The following COTL1 variants were observed in gnomAD, a reference collection of about 807,000 sequenced individuals.
COTL1 encodes the protein coactosin like F-actin binding protein 1, also known as coactosin-like protein.
A neutral mutation model predicts 16.5 loss-of-function variants in COTL1; 15 were observed. The observed-to-expected ratio is 0.91, with a 90% CI of 0.61 to 1.40. The LOEUF (loss-of-function observed/expected upper bound fraction) is 1.40. Among genes scored for constraint, COTL1 ranks in the 40% most tolerant of loss-of-function variants. COTL1 has a pLI of 0.00. For missense variants in COTL1, 220 were observed against 201.5 expected (o/e 1.09, Z -0.56); for synonymous variants, 112 against 85.3 (o/e 1.31, Z -1.73).
intron 2 of COTL1, among the ~76,000 whole-genome samples, chr16:84,613,588 TAGAAGGTTAATGAGCAG>T (rs1473489644): frequency 6.6e-6 from 1 of 151,822 alleles, no homozygotes; most frequent in African/African-American, 2.4e-5. Context: ...AAGGGAGCCA[TAGAAGGTTAATGAGCAG>T]AGGAGTGACT....
chr16:84,597,925 G>A (rs376953600), intron 2 of COTL1, among the ~76,000 whole-genome samples: 5 of 152,144 alleles, frequency 3.3e-5, no homozygotes, highest in African/African-American at 9.7e-5. Context: ...TATCAGCCCT[G>A]GGTACCAGGA....
intron 2 of COTL1, among the ~76,000 whole-genome samples, chr16:84,599,708 A>G (rs1905073737): frequency 6.6e-6 from 1 of 152,226 alleles, no homozygotes; most frequent in Non-Finnish European, 1.5e-5. Context: ...AGCTCACTCT[A>G]AAGCTGCCCT....
At chr16:84,609,155 T>C (rs1212939195) in intron 2 of COTL1, among the ~76,000 whole-genome samples, 2 of 152,164 alleles carry the variant, frequency 1.3e-5, no homozygotes, top group East Asian at 3.8e-4. Context: ...GGAAAAAATA[T>C]TCAGGTGCAA....
intron 3 of COTL1, among the ~76,000 whole-genome samples, chr16:84,572,076 C>G (rs544888894): frequency 6.6e-6 from 1 of 152,390 alleles, no homozygotes; most frequent in African/African-American, 2.4e-5. Flanking sequence ...TCCACCTCCA[C>G]GCCTTCCAGC....
intron 2 of COTL1, among the ~76,000 whole-genome samples, chr16:84,602,768 T>C (rs1905126764): frequency 6.6e-6 from 1 of 151,816 alleles, no homozygotes; most frequent in Non-Finnish European, 1.5e-5. Flanking sequence ...CGTAGGAGAA[T>C]TGCTTGAGTC....
At chr16:84,593,776 A>G (rs12596356) in intron 2 of COTL1, among the ~76,000 whole-genome samples, 8 of 151,930 alleles carry the variant, frequency 5.3e-5, no homozygotes, top group East Asian at 1.9e-4. Context: ...TGGGATTACA[A>G]GCGTGAGCCA....
At chr16:84,606,603 G>A (rs1434163542) in intron 2 of COTL1, among the ~76,000 whole-genome samples, 2 of 152,238 alleles carry the variant, frequency 1.3e-5, no homozygotes, top group African/African-American at 4.8e-5. Context: ...CTTCTCCAAG[G>A]CCATGTCTGG....
At chr16:84,575,152 C>G (rs1328216199) in intron 3 of COTL1, 1 of 151,894 alleles carries the variant, frequency 6.6e-6, no homozygotes, top group African/African-American at 2.4e-5. Flanking sequence ...ATTCTCCTGC[C>G]TCAGCCTCTC....
Position 84,591,247 on chromosome 16 carries a change from G to A in COTL1, c.161-985C>T, listed in dbSNP as rs370067848. Among the ~76,000 whole-genome samples the A allele has an allele frequency of 2.3e-4, 34 of 149,798 alleles. No individual in the cohort carries two copies. The East Asian group carries it at 5.5e-3, about 24-fold the overall frequency. ...CGCCCAGGCTGAAGTGCAGTGGCGCGATCTCGACTCACTGCAAGCTTGGCC... is the reference window on the plus strand; with the variant it reads ...CGCCCAGGCTGAAGTGCAGTGGCGCAATCTCGACTCACTGCAAGCTTGGCC... On this transcript the variant is annotated intron_variant, in intron 2 of 3. Coordinates refer to ENST00000262428, the MANE Select transcript of COTL1 (RefSeq NM_021149.5).
intron 2 of COTL1, among the ~76,000 whole-genome samples, chr16:84,603,586 C>T (rs1317192727): frequency 1.6e-5 from 2 of 122,702 alleles, no homozygotes; most frequent in African/African-American, 3.2e-5. Context: ...TGTTGGGAAG[C>T]GCTAGGTGAG....
chr16:84,616,498 G>T (rs546079465), intron 2 of COTL1: 2 of 139,892 alleles, frequency 1.4e-5, no homozygotes, highest in East Asian at 4.5e-4. Flanking sequence ...GGAAGATTCT[G>T]TCTCAAAAAT....
In COTL1 at chr16:84,566,756, C is replaced by T. The variant is rs1032660813; in HGVS notation, c.*89G>A. 3.6e-6 allele frequency: 3 copies of T among 834,418 alleles called. No individual in the cohort carries two copies. The highest frequency in any genetic ancestry group is 6.0e-6 in the Non-Finnish European group (3 of 501,722). 51.7% of individuals were successfully genotyped at this position (834,418 alleles called of 1,614,324 possible). A position where few individuals can be genotyped will look rare whatever the true frequency, so the allele number is the denominator to read the frequency against. ...CATGGCTTCTTTTCTCCCTGGTGGG[C>T]TGGTGGGCTAGTAGCTGAGGCCGGC... On this transcript the variant is annotated 3_prime_UTR_variant, in exon 4 of 4. Transcript: ENST00000262428.
At chr16:84,591,780 C>T (rs1038589461) in intron 2 of COTL1, among the ~76,000 whole-genome samples, 2 of 149,654 alleles carry the variant, frequency 1.3e-5, no homozygotes, top group Admixed American at 6.7e-5. Context: ...GTAGAGATTA[C>T]GCCACTGTAC....
chr16:84,591,659 A>C (rs893312512), intron 2 of COTL1, among the ~76,000 whole-genome samples: 1 of 116,960 alleles, frequency 8.5e-6, no homozygotes, highest in Non-Finnish European at 1.8e-5. Context: ...AAAAAAAAAA[A>C]AAAAAACCAA....
intron 2 of COTL1, chr16:84,615,876 T>TGTGTGTGTGTGTGTGTGTGTGC (rs755850381): frequency 6.7e-5 from 10 of 150,056 alleles, no homozygotes; most frequent in African/African-American, 2.2e-4. Flanking sequence ...TGTGTGTGTG[T>TGTGTGTGTGTGTGTGTGTGTGC]GCGCGCACGC....
intron 2 of COTL1, among the ~76,000 whole-genome samples, chr16:84,602,411 T>TAAA (rs55955741): frequency 1.2e-4 from 17 of 144,496 alleles, no homozygotes; most frequent in East Asian, 6.0e-4. Context: ...TTCTTTTAAT[T>TAAA]AAAAAAAAAA....
At chr16:84,573,950 G>A (rs1300950167) in intron 3 of COTL1, among the ~76,000 whole-genome samples, 1 of 152,122 alleles carries the variant, frequency 6.6e-6, no homozygotes, top group Non-Finnish European at 1.5e-5. Context: ...GAACCCCGGA[G>A]TTCCAAGACT....
At position 84,617,911 on chromosome 16, in the gene COTL1, C is replaced by A. The variant is rs752502057; in HGVS notation, c.4G>T (p.Ala2Ser). Residue 2 changes from alanine to serine, a missense_variant, in exon 1 of 4, where the codon GCC becomes TCC. Physicochemically the swap from Ala to Ser is moderately conservative, Grantham distance 99. Transcript: ENST00000262428. M[A>S]TKIDKEACRA... ...CAAGCCTCTTTGTCGATCTTGGTGGCCATCGCCGCGGAGCCGCAGCGGGAC... is the reference window on the plus strand; with the variant it reads ...CAAGCCTCTTTGTCGATCTTGGTGGACATCGCCGCGGAGCCGCAGCGGGAC... 1.6e-5 allele frequency: 25 copies of A among 1,554,752 alleles called. No individual in the cohort carries two copies. Among genetic ancestry groups the A allele is most frequent in the Non-Finnish European group, 1.7e-6 (2 of 1,150,454 alleles).
chr16:84,583,026 C>T (rs1425956431), intron 3 of COTL1, among the ~76,000 whole-genome samples: 1 of 152,350 alleles, frequency 6.6e-6, no homozygotes, highest in East Asian at 1.9e-4. Context: ...TCATGTGCAA[C>T]ACGAGTCTAC....
Sources: gnomAD v4.1 joint callset for allele counts (sites outside exome capture counted in the v4.1 genomes callset) on GRCh38, gnomAD v4.1.1 for gene constraint, MANE v1.5 for transcripts, NCBI Gene and HGNC (gene_info 2026-07-23, HGNC 2026-07-21) for gene names.